Variants in DEPDC5 observed in about 807,000 individuals in gnomAD.
The protein encoded by DEPDC5 is GATOR1 complex protein DEPDC5.
A neutral mutation model predicts 217.3 loss-of-function variants in DEPDC5; 73 were observed. The ratio of observed to expected loss-of-function variants is 0.34; its 90% CI spans 0.28 to 0.41. The LOEUF (loss-of-function observed/expected upper bound fraction) is 0.41. DEPDC5 is among the 10% of genes least tolerant of loss of function. The pLI is 1.00. For synonymous variants in DEPDC5, 733 were observed against 756.7 expected (o/e 0.97, Z 0.51); for missense variants, 1,675 against 2,070.1 (o/e 0.81, Z 3.70).
intron 41 of DEPDC5, among the ~76,000 whole-genome samples, chr22:31,904,066 A>AG (rs1408267694): frequency 1.3e-5 from 2 of 152,078 alleles, no homozygotes; most frequent in Non-Finnish European, 2.9e-5. Context: ...CTCAGCCCCT[A>AG]GGCTGTGACC....
chr22:31,861,195 A>G (rs1051480066), intron 32 of DEPDC5, among the ~76,000 whole-genome samples, 173 bp from the exon 33 acceptor site: 1 of 108,824 alleles, frequency 9.2e-6, no homozygotes, highest in East Asian at 2.7e-4. Context: ...TTTTTTTTTA[A>G]TTTTCCCTAT....
At chr22:31,849,712 C>T (rs1279852132) in intron 31 of DEPDC5, among the ~76,000 whole-genome samples, 3 of 151,444 alleles carry the variant, frequency 2.0e-5, no homozygotes, top group South Asian at 2.1e-4. Flanking sequence ...ACCTGGGAGG[C>T]GGAGGTTGCA....
chr22:31,840,712 A>G (rs1247536576), intron 27 of DEPDC5, among the ~76,000 whole-genome samples: 1 of 152,138 alleles, frequency 6.6e-6, no homozygotes, highest in Non-Finnish European at 1.5e-5. Flanking sequence ...TCTAATTTCT[A>G]TAGTAACAGA....
At chr22:31,844,994 C>G (rs368510531) in intron 29 of DEPDC5, 24 bp from the exon 30 acceptor site, 4 of 1,612,576 alleles carry the variant, frequency 2.5e-6, no homozygotes, top group African/African-American at 1.3e-5. Flanking sequence ...TCACCACCAC[C>G]CTGTGTTTTC....
chr22:31,849,658 G>A (rs2091920668), intron 31 of DEPDC5, among the ~76,000 whole-genome samples: 1 of 152,148 alleles, frequency 6.6e-6, no homozygotes, highest in Non-Finnish European at 1.5e-5. Flanking sequence ...GCACACACCT[G>A]TAATCCCAGT....
At chr22:31,893,148 A>G (rs567727405) in intron 38 of DEPDC5, among the ~76,000 whole-genome samples, 2 of 152,126 alleles carry the variant, frequency 1.3e-5, no homozygotes, top group East Asian at 3.9e-4. Context: ...TGCTGGGATT[A>G]CACACGTGAG....
At chr22:31,815,711 T>C in intron 21 of DEPDC5, 1 of 706,236 alleles carries the variant, frequency 1.4e-6, no homozygotes, top group Non-Finnish European at 2.1e-6. Flanking sequence ...TCATATTTTT[T>C]TTTGTAGAGG....
chr22:31,780,891 G>A (rs972166733), intron 8 of DEPDC5, among the ~76,000 whole-genome samples: 3 of 152,166 alleles, frequency 2.0e-5, no homozygotes, highest in African/African-American at 7.2e-5. Context: ...TGTTGGTGGA[G>A]TGAAATATTA....
Position 31,857,534 on chromosome 22 carries a change from A to T in DEPDC5, c.3245A>T (p.Tyr1082Phe). 6.2e-7 allele frequency: 1 copy of T among 1,611,456 alleles called. No homozygotes were observed. Among genetic ancestry groups the T allele is most frequent in the Non-Finnish European group, 8.5e-7 (1 of 1,178,922 alleles). ...ESSSVAMTPTYMDSPRKDGAF... is the reference protein window; with the variant it reads ...ESSSVAMTPTFMDSPRKDGAF... ...AGCAGCGTTGCCATGACTCCCACCT[A>T]CATGGACAGCCCACGAAAGGTAAAG... Residue 1082 changes from tyrosine (Y) to phenylalanine (F), a missense_variant, in exon 32 of 43, where the codon TAC becomes TTC. Tyr to Phe is a conservative substitution (Grantham distance 22). Around this residue, in one of 11 missense-constraint regions of DEPDC5, gnomAD observed 126 missense variants for 113.8 expected, o/e 1.11. Transcript: ENST00000651528.
In DEPDC5 at chr22:31,838,801, C is replaced by A; in HGVS notation, c.2471C>A (p.Pro824His). Reference sequence around the variant, plus strand: ...CAGCCCAAGACACAGAAACCCAATCCTGCTGTCCCGCCCCCGCTGAGCAGT... The same window carrying A: ...CAGCCCAAGACACAGAAACCCAATCATGCTGTCCCGCCCCCGCTGAGCAGT... ...IVQPKTQKPN[P>H]AVPPPLSSSP... The change falls in exon 27 of 43, where the codon CCT becomes CAT. Residue 824 changes from proline to histidine, a missense_variant. Physicochemically the swap from Pro to His is moderately conservative, Grantham distance 77. Around this residue, in one of 11 missense-constraint regions of DEPDC5, gnomAD observed 293 missense variants for 386.1 expected, o/e 0.76. Transcript: ENST00000651528. 1 of 1,614,126 alleles carries A rather than the reference C, an allele frequency of 6.2e-7. No individual in the cohort carries two copies. The highest frequency in any genetic ancestry group is 8.5e-7 in the Non-Finnish European group (1 of 1,180,002).
rs1421713170 is a variant in DEPDC5, at chr22:31,845,326, A to G, written c.3021+89A>G. ...ATTAGGGGCCTCTCATCATCAGCCT[A>G]CTTATTTACTCCTCAGCTGCCCAGT... On this transcript the variant is annotated intron_variant, in intron 30 of 42. Transcript: ENST00000651528. 5 of 1,460,834 alleles carry G rather than the reference A, an allele frequency of 3.4e-6. No homozygotes were observed. In the African/African-American group the frequency reaches 7.0e-5, roughly 21 times the overall value. The allele number at this position is 1,460,834 out of a possible 1,614,324, so 90.5% of individuals were successfully genotyped here. A position where few individuals can be genotyped will look rare whatever the true frequency, so the allele number is the denominator to read the frequency against.
At chr22:31,873,197 G>A (rs566038673) in intron 34 of DEPDC5, 58 bp from the exon 35 acceptor site, 14 of 1,612,396 alleles carry the variant, frequency 8.7e-6, no homozygotes, top group Non-Finnish European at 1.1e-5. Context: ...CCTAATATTC[G>A]TGCTCTTGAC....
intron 3 of DEPDC5, among the ~76,000 whole-genome samples, chr22:31,760,058 GTTTC>G (rs1057098685): frequency 7.3e-6 from 1 of 137,068 alleles, no homozygotes; most frequent in African/African-American, 3.0e-5. Context: ...TGCGTATGGA[GTTTC>G]TTTGTTTCTT....
At position 31,821,596 on chromosome 22, in the gene DEPDC5, T is replaced by C; in HGVS notation, c.1965T>C (p.Ser655=). 12 of 1,614,184 alleles carry C rather than the reference T, an allele frequency of 7.4e-6. No individual in the cohort carries two copies. Among genetic ancestry groups the C allele is most frequent in the Non-Finnish European group, 1.0e-5 (12 of 1,180,002 alleles). ...GGCAGAGGGATCCAACTCACTCCTC[T>C]GCAGAGCTGCTGGAGTTAGCATATC... ...GSGQRDPTHS[S]AELLELAYHE... The change falls in exon 23 of 43, where the codon TCT becomes TCC. Residue 655 remains serine (S), a synonymous_variant. Coordinates refer to ENST00000651528, the MANE Select transcript of DEPDC5 (RefSeq NM_001242896.3).
Position 31,857,518 on chromosome 22 carries a change from G to T in DEPDC5, c.3229G>T (p.Ala1077Ser), listed in dbSNP as rs1379381838. The change falls in exon 32 of 43, where the codon GCC (alanine) becomes TCC (serine). Residue 1077 changes from alanine to serine, a missense_variant. Around this residue, in one of 11 missense-constraint regions of DEPDC5, gnomAD observed 126 missense variants for 113.8 expected, o/e 1.11. Coordinates refer to ENST00000651528, the MANE Select transcript of DEPDC5 (RefSeq NM_001242896.3). ...CCAGTCAGCCGAGAGCAGCAGCGTT[G>T]CCATGACTCCCACCTACATGGACAG... ...SAQSAESSSV[A>S]MTPTYMDSPR... is the part of the protein sequence containing the mutation. The T allele has an allele frequency of 6.2e-7, 1 of 1,612,132 alleles. No homozygotes were observed.
At chr22:31,872,410 A>T (rs897870285) in intron 34 of DEPDC5, among the ~76,000 whole-genome samples, 2 of 152,222 alleles carry the variant, frequency 1.3e-5, no homozygotes, top group Admixed American at 6.5e-5. Flanking sequence ...AGCATCGTAT[A>T]AACATTCGCC....
Position 31,880,973 on chromosome 22 carries a change from C to T in DEPDC5, c.4033+1221C>T, listed in dbSNP as rs147800386. On this transcript the variant is annotated intron_variant, in intron 38 of 42. Coordinates refer to ENST00000651528, the MANE Select transcript of DEPDC5 (RefSeq NM_001242896.3). ...GAGCCTGCAGTGAGCCGAGATCGCG[C>T]CACTGTACTCCAGCCTGGGTGACAG... Among the ~76,000 whole-genome samples, 16 of 151,220 alleles carry T rather than the reference C, an allele frequency of 1.1e-4. No individual in the cohort carries two copies. The East Asian group carries it at 2.3e-3, about 22-fold the overall frequency.
chr22:31,861,261 T>C (rs2092500835), intron 32 of DEPDC5, 107 bp from the exon 33 acceptor site: 10 of 899,334 alleles, frequency 1.1e-5, no homozygotes, highest in South Asian at 1.1e-4. Flanking sequence ...TTTTATTTTT[T>C]GTTTTTTATA....
intron 34 of DEPDC5, among the ~76,000 whole-genome samples, chr22:31,871,645 C>T (rs2092846479): frequency 6.6e-6 from 1 of 152,170 alleles, no homozygotes; most frequent in Admixed American, 6.5e-5. Context: ...CTGCCCAATG[C>T]ATAGAAAAAA....
Sources: gnomAD v4.1 joint callset for allele counts (sites outside exome capture counted in the v4.1 genomes callset) on GRCh38, gnomAD v4.1.1 for gene constraint, gnomAD v4.1.1 regional missense constraint, MANE v1.5 for transcripts, NCBI Gene and HGNC (gene_info 2026-07-23, HGNC 2026-07-21) for gene names.